Variants in ZNF831 observed in about 807,000 individuals in gnomAD.
ZNF831 encodes chromosome 20 open reading frame 174.
In ZNF831, 59 loss-of-function variants were observed where a neutral mutation model predicts 95.8. The ratio of observed to expected loss-of-function variants is 0.62; its 90% CI spans 0.50 to 0.77. The LOEUF (loss-of-function observed/expected upper bound fraction) is 0.77. Among genes scored for constraint, ZNF831 ranks in the 30% least tolerant of loss-of-function variants. The pLI, the probability that ZNF831 is intolerant of heterozygous loss-of-function variation, is 0.00. For missense variants in ZNF831, 2,205 were observed against 2,164.0 expected, an observed-to-expected ratio of 1.02 and a Z score of -0.38; for synonymous variants, 961 against 925.5, an observed-to-expected ratio of 1.04 and a Z score of -0.70.
At position 59,228,348 on chromosome 20, in the gene ZNF831, G is replaced by A. The variant is rs1986541104; in HGVS notation, c.4027+21292G>A. Among the ~76,000 whole-genome samples the A allele has an allele frequency of 2.0e-5, 3 of 152,068 alleles. No homozygotes were observed. In the South Asian group the frequency reaches 6.2e-4, roughly 32 times the overall value. The stretch of plus-strand genomic sequence containing the variant: ...ATGCTGGCAGGTTGATGGGAAATTG[G>A]CTGGTCTAGGATGGCCTCACTCACA... On this transcript the variant is annotated intron_variant, in intron 4 of 5. Transcript: ENST00000371030.
In ZNF831 at chr20:59,192,730, C is replaced by A. The variant is rs1983702698; in HGVS notation, c.1711C>A (p.Pro571Thr). 6.2e-7 allele frequency: 1 copy of A among 1,609,124 alleles called. No individual in the cohort carries two copies. Among genetic ancestry groups the A allele is most frequent in the African/African-American group, 1.3e-5 (1 of 74,888 alleles). Residue 571 changes from proline (P) to threonine (T), a missense_variant, in exon 2 of 6, where the codon CCA becomes ACA. Pro to Thr is a conservative substitution (Grantham distance 38). Coordinates refer to ENST00000371030, the MANE Select transcript of ZNF831 (RefSeq NM_178457.3). The surrounding 1 kb of genome is among the most constrained non-coding windows in gnomAD (Gnocchi z 5.2). The stretch of plus-strand genomic sequence containing the variant: ...CAGACAGGCCGCGGTGGAGGACCTG[C>A]CAGGCACCCCCATTGGCGATGCCCT... ...LVRQAAVEDL[P>T]GTPIGDALVP...
intron 1 of ZNF831, among the ~76,000 whole-genome samples, chr20:59,128,915 C>T (rs1340126891): frequency 2.0e-5 from 3 of 152,198 alleles, no homozygotes; most frequent in African/African-American, 7.2e-5. Context: ...GCGCCCGCCA[C>T]CACACCTGGC....
chr20:59,165,107 G>A (rs889825937), intron 1 of ZNF831, among the ~76,000 whole-genome samples: 4 of 152,206 alleles, frequency 2.6e-5, no homozygotes, highest in Non-Finnish European at 4.4e-5. Flanking sequence ...GTTGGGGTCT[G>A]TGAGATTTGC....
At chr20:59,125,949 C>T (rs952640471) in intron 1 of ZNF831, among the ~76,000 whole-genome samples, 7 of 151,974 alleles carry the variant, frequency 4.6e-5, no homozygotes, top group Admixed American at 3.9e-4. Flanking sequence ...GTGGGTGCAA[C>T]GAGATGCTTC....
chr20:59,254,524 C>T lies in ZNF831; in HGVS notation c.4815C>T (p.Cys1605=), dbSNP rs775736317. ...QYGCGEMTVP[C]PSLGSDGRKR... is the part of the protein sequence containing the mutation. The stretch of plus-strand genomic sequence containing the variant: ...GGTGTGGGGAAATGACTGTCCCCTG[C>T]CCCTCTTTAGGAAGTGACGGTAGGA... Residue 1605 remains cysteine, a synonymous_variant, in exon 6 of 6, where the codon TGC becomes TGT. Coordinates refer to ENST00000371030, the MANE Select transcript of ZNF831 (RefSeq NM_178457.3). This position sits in a 1 kb window ranked among gnomAD's most constrained non-coding sequence, Gnocchi z 4.5. 1 of 1,614,112 alleles carries T rather than the reference C, an allele frequency of 6.2e-7. No homozygotes were observed. Among genetic ancestry groups the T allele is most frequent in the Non-Finnish European group, 8.5e-7 (1 of 1,180,036 alleles).
intron 4 of ZNF831, among the ~76,000 whole-genome samples, chr20:59,246,743 T>C (rs568733550): frequency 6.6e-6 from 1 of 152,348 alleles, no homozygotes; most frequent in Admixed American, 6.5e-5. Context: ...AAATGGTTGT[T>C]GAAGTAAAAG....
intron 4 of ZNF831, among the ~76,000 whole-genome samples, chr20:59,226,536 C>T (rs534495946): frequency 3.3e-5 from 5 of 151,910 alleles, no homozygotes; most frequent in African/African-American, 1.2e-4. Context: ...CTTTCTCGTT[C>T]ATGCCCGATA....
intron 4 of ZNF831, among the ~76,000 whole-genome samples, chr20:59,230,779 C>T (rs1361176033): frequency 2.0e-5 from 3 of 152,238 alleles, no homozygotes; most frequent in African/African-American, 7.2e-5. Context: ...GTTTAGAGCT[C>T]ACACTGTAAC....
intron 4 of ZNF831, among the ~76,000 whole-genome samples, chr20:59,222,301 G>C (rs1986132525): frequency 6.6e-6 from 1 of 152,138 alleles, no homozygotes; most frequent in African/African-American, 2.4e-5. Flanking sequence ...GCGGCGGGGT[G>C]GGTGCGGACC....
At position 59,254,249 on chromosome 20, in the gene ZNF831, C is replaced by T. The variant is rs763419821; in HGVS notation, c.4540C>T (p.Arg1514Ter). 5.0e-6 allele frequency: 8 copies of T among 1,614,016 alleles called. No individual in the cohort carries two copies. The highest frequency in any genetic ancestry group is 5.9e-6 in the Non-Finnish European group (7 of 1,179,956). ...IAQEIHSAES[R>*]DHSQTAGRTL... is the part of the protein sequence containing the mutation. ...CCAGGAAATTCACAGTGCTGAATCA[C>T]GAGACCACAGCCAGACTGCAGGGAG... Residue 1514 changes from arginine to a stop codon, truncating the protein, a stop_gained, in exon 6 of 6, where the codon CGA (arginine) becomes TGA (stop). Transcript: ENST00000371030. LOFTEE classifies it low-confidence loss of function (END_TRUNC). This position sits in a 1 kb window ranked among gnomAD's most constrained non-coding sequence, Gnocchi z 4.5.
intron 4 of ZNF831, among the ~76,000 whole-genome samples, chr20:59,213,450 C>T (rs946523545): frequency 6.6e-6 from 1 of 152,112 alleles, no homozygotes. Context: ...TGGCCTTTCC[C>T]CTGTAGCAAT....
intron 1 of ZNF831, among the ~76,000 whole-genome samples, chr20:59,174,625 G>A (rs1279593610): frequency 6.6e-6 from 1 of 152,108 alleles, no homozygotes; most frequent in Non-Finnish European, 1.5e-5. Context: ...CAAGGCAGGA[G>A]GATTGCTTGA....
rs1299124514 is a variant in ZNF831 at position 59,254,006 on chromosome 20, G to C, written c.4297G>C (p.Val1433Leu). The C allele has an allele frequency of 1.2e-6, 2 of 1,614,016 alleles. No individual in the cohort carries two copies. The highest frequency in any genetic ancestry group is 2.2e-5 in the East Asian group (1 of 44,858). ...SDTCLAVVND[V>L]PLPPGKGLDL... ...CACCTGCCTGGCAGTGGTTAATGAC[G>C]TGCCTCTACCCCCTGGCAAAGGTCT... The change falls in exon 6 of 6, where the codon GTG (valine) becomes CTG (leucine). Residue 1433 changes from valine (V) to leucine (L), a missense_variant. By Grantham distance (32) the Val-to-Leu change is conservative. Transcript: ENST00000371030. This position sits in a 1 kb window ranked among gnomAD's most constrained non-coding sequence, Gnocchi z 4.5.
chr20:59,193,552 G>C lies in ZNF831; in HGVS notation c.2533G>C (p.Gly845Arg), dbSNP rs181984. 0.044 allele frequency: 71,277 copies of C among 1,605,652 alleles called. 4,229 individuals carry two copies. Among genetic ancestry groups the C allele is most frequent in the African/African-American group, 0.27 (20,545 of 74,826 alleles). Residue 845 changes from glycine (G) to arginine (R), a missense_variant, in exon 2 of 6, where the codon GGT becomes CGT. Transcript: ENST00000371030. ...AGAGCCTGTGAGCGCAGAGACCCCA[G>C]GTGGGCCCACGCAGCCTGCCTCTTT... ...QPEPVSAETP[G>R]GPTQPASLSS...
intron 1 of ZNF831, among the ~76,000 whole-genome samples, chr20:59,132,736 C>T (rs552460664): frequency 5.9e-5 from 9 of 152,322 alleles, no homozygotes; most frequent in African/African-American, 2.2e-4. Context: ...CTTGAATCCT[C>T]AGCAAACTTT....
Position 59,254,516 on chromosome 20 carries a change from G to A in ZNF831, c.4807G>A (p.Val1603Ile), listed in dbSNP as rs2146771177. The A allele has an allele frequency of 6.2e-7, 1 of 1,614,150 alleles. No homozygotes were observed. Among genetic ancestry groups the A allele is most frequent in the Non-Finnish European group, 8.5e-7 (1 of 1,180,024 alleles). ...CCAGTATGGGTGTGGGGAAATGACT[G>A]TCCCCTGCCCCTCTTTAGGAAGTGA... Reference protein sequence around the residue: ...RGQYGCGEMTVPCPSLGSDGR... With the variant: ...RGQYGCGEMTIPCPSLGSDGR... The change falls in exon 6 of 6, where the codon GTC (valine) becomes ATC (isoleucine). Residue 1603 changes from valine to isoleucine, a missense_variant. Coordinates refer to ENST00000371030, the MANE Select transcript of ZNF831 (RefSeq NM_178457.3). The surrounding 1 kb of genome is among the most constrained non-coding windows in gnomAD (Gnocchi z 4.5).
chr20:59,210,448 C>G (rs996255155), intron 4 of ZNF831, among the ~76,000 whole-genome samples: 4 of 152,186 alleles, frequency 2.6e-5, no homozygotes, highest in African/African-American at 9.7e-5. Context: ...TTGTCTGGCT[C>G]ACACGCTGGC....
Position 59,163,862 on chromosome 20 carries a change from T to C in ZNF831, c.-382T>C, listed in dbSNP as rs996994544. Among the ~76,000 whole-genome samples, 1 of 152,164 alleles carries C rather than the reference T, an allele frequency of 6.6e-6. No homozygotes were observed. Among genetic ancestry groups the C allele is most frequent in the Non-Finnish European group, 1.5e-5 (1 of 68,028 alleles). The stretch of plus-strand genomic sequence containing the variant: ...CTGCTTGAGTCTCTTCCAGGTTGCT[T>C]GAAATGGTGCTTTTCTCAGTTAAAC... On this transcript the variant is annotated 5_prime_UTR_variant, in exon 1 of 6. Transcript: ENST00000371030.
intron 1 of ZNF831, among the ~76,000 whole-genome samples, chr20:59,178,113 A>G (rs1982318145): frequency 6.6e-6 from 1 of 152,192 alleles, no homozygotes; most frequent in East Asian, 1.9e-4. Flanking sequence ...CGTGTTTAGC[A>G]GTAGCTGTGA....
Sources: allele counts gnomAD v4.1 joint callset (sites outside exome capture counted in the v4.1 genomes callset), GRCh38; gene constraint gnomAD v4.1.1; non-coding constraint Gnocchi (gnomAD v3.1); transcripts MANE v1.5; gene names NCBI Gene and HGNC (gene_info 2026-07-23, HGNC 2026-07-21).